Variants in CACNA1C observed in about 807,000 individuals in gnomAD.
CACNA1C encodes voltage-dependent L-type calcium channel subunit alpha-1C.
CACNA1C carries 30 observed loss-of-function variants against 229.0 expected under a neutral mutation model. That is an observed-to-expected ratio of 0.13 (90% CI 0.10 to 0.18). The LOEUF (loss-of-function observed/expected upper bound fraction) is 0.18, where lower values mean the gene tolerates loss of function less well. Ranked by LOEUF, CACNA1C falls within the 10% of genes least tolerant of loss-of-function variation. The pLI is 1.00. For synonymous variants in CACNA1C, 1,114 were observed against 1,132.5 expected (o/e 0.98, Z 0.33); for missense variants, 1,658 against 2,845.0 (o/e 0.58, Z 9.49).
At chr12:2,408,969 C>G (rs1470628707) in intron 3 of CACNA1C, among the ~76,000 whole-genome samples, 2 of 152,174 alleles carry the variant, frequency 1.3e-5, no homozygotes, top group Admixed American at 6.5e-5. Flanking sequence ...CTCTTTTGCC[C>G]AATGTTGCAA....
At chr12:2,612,048 A>G in intron 29 of CACNA1C, 35 bp downstream of exon 29, 1 of 1,275,586 alleles carries the variant, frequency 7.8e-7, no homozygotes, top group Non-Finnish European at 1.1e-6. Flanking sequence ...ATTCCCAGGC[A>G]TCAGGGGTGG....
At position 2,529,909 on chromosome 12, in the gene CACNA1C, C is replaced by T. The variant is rs988847192; in HGVS notation, c.1390+16925C>T. 9.2e-5 allele frequency among the ~76,000 whole-genome samples: 14 copies of T among 152,230 alleles called. 1 individual carries two copies. Among genetic ancestry groups the T allele is most frequent in the Admixed American group, 8.5e-4 (13 of 15,278 alleles). ...AATACCAAGAATAAATTCTGAGTTGCTTCTTTACAACTAGAAAGCTGAATA... is the reference window on the plus strand; with the variant it reads ...AATACCAAGAATAAATTCTGAGTTGTTTCTTTACAACTAGAAAGCTGAATA... On this transcript the variant is annotated intron_variant, in intron 9 of 46. Coordinates refer to ENST00000399655, the MANE Select transcript of CACNA1C (RefSeq NM_000719.7).
At chr12:1,998,396 G>A (rs1034505790) in intron 1 of CACNA1C, among the ~76,000 whole-genome samples, 1 of 152,144 alleles carries the variant, frequency 6.6e-6, no homozygotes, top group African/African-American at 2.4e-5. Flanking sequence ...TTTGTTTTCT[G>A]GGTTCATTTT....
Position 2,633,119 on chromosome 12 carries a change from G to A in CACNA1C, c.3829-1178G>A, listed in dbSNP as rs976151188. Among the ~76,000 whole-genome samples, 1 of 152,202 alleles carries A rather than the reference G, an allele frequency of 6.6e-6. No individual in the cohort carries two copies. Among genetic ancestry groups the A allele is most frequent in the African/African-American group, 2.4e-5 (1 of 41,438 alleles). ...CACCCTGCGGCCCACATTGATGGCT[G>A]TGGTTTTCAAAGCCTTTTTCATTCC... On this transcript the variant is annotated intron_variant, in intron 29 of 46. Transcript: ENST00000399655. This position sits in a 1 kb window ranked among gnomAD's most constrained non-coding sequence, Gnocchi z 5.8.
intron 1 of CACNA1C, among the ~76,000 whole-genome samples, chr12:2,057,575 G>T (rs2055623455): frequency 6.6e-6 from 1 of 152,150 alleles, no homozygotes; most frequent in African/African-American, 2.4e-5. Context: ...CACACTGGAG[G>T]CCCTCGCGGC....
At chr12:2,355,196 T>C (rs1009560060) in intron 3 of CACNA1C, among the ~76,000 whole-genome samples, 23 of 152,178 alleles carry the variant, frequency 1.5e-4, no homozygotes, top group Non-Finnish European at 7.3e-5. Context: ...AGCTTTCACT[T>C]AAGACCAAGA....
intron 2 of CACNA1C, among the ~76,000 whole-genome samples, chr12:2,117,465 G>A (rs2084436757): frequency 6.6e-6 from 1 of 152,218 alleles, no homozygotes; most frequent in African/African-American, 2.4e-5. Flanking sequence ...GTGGAGTCAG[G>A]GAGTGGGAGA....
intron 3 of CACNA1C, among the ~76,000 whole-genome samples, chr12:2,349,774 T>C (rs1489548334): frequency 6.6e-6 from 1 of 152,072 alleles, no homozygotes; most frequent in Non-Finnish European, 1.5e-5. Flanking sequence ...GATGGTTGTA[T>C]GGGAGGAACG....
intron 9 of CACNA1C, 143 bp downstream of exon 9, chr12:2,513,127 C>A: frequency 1.8e-6 from 1 of 558,184 alleles, no homozygotes; most frequent in South Asian, 3.3e-5. Context: ...TCACTGATGG[C>A]AGTCACTTGC....
intron 3 of CACNA1C, among the ~76,000 whole-genome samples, chr12:2,447,876 C>T (rs1412399634): frequency 6.6e-6 from 1 of 152,244 alleles, no homozygotes; most frequent in Non-Finnish European, 1.5e-5. Flanking sequence ...GGGTTCTGAG[C>T]CGAGTGCCCA....
intron 9 of CACNA1C, among the ~76,000 whole-genome samples, chr12:2,531,316 G>A (rs1016660374): frequency 6.6e-6 from 1 of 152,184 alleles, no homozygotes; most frequent in Non-Finnish European, 1.5e-5. Flanking sequence ...CCTGGTGATA[G>A]GAGAAGTGGA....
intron 3 of CACNA1C, among the ~76,000 whole-genome samples, chr12:2,336,022 CAAAA>C (rs34731308): frequency 1.8e-4 from 17 of 92,556 alleles, no homozygotes; most frequent in Admixed American, 2.4e-4. Flanking sequence ...AAAACAACTC[CAAAA>C]AAAAAAAAAA....
intron 3 of CACNA1C, among the ~76,000 whole-genome samples, chr12:2,182,131 CA>C (rs56365126): frequency 0.077 from 6,644 of 86,630 alleles, 159 homozygotes; most frequent in African/African-American, 0.14. Flanking sequence ...TTTCTGTCTG[CA>C]AAAAAAAAAA....
intron 32 of CACNA1C, among the ~76,000 whole-genome samples, chr12:2,652,378 C>T (rs759627924): frequency 6.6e-6 from 1 of 152,240 alleles, no homozygotes; most frequent in Non-Finnish European, 1.5e-5. Flanking sequence ...CAGCCCCTGC[C>T]AGCTCGGAGG....
rs1253589297 is a variant in CACNA1C at position 2,260,492 on chromosome 12, AAAAG to A, written c.477+140065_477+140068del. On this transcript the variant is annotated intron_variant, in intron 3 of 46. Coordinates refer to ENST00000399655, the MANE Select transcript of CACNA1C (RefSeq NM_000719.7). Reference sequence around the variant, plus strand: ...GTCTCTATTAAAAAAAAAAAAAAAAAAAAGAACAAGAAGAAGAAAGAGACAGAAA... The same window carrying A: ...GTCTCTATTAAAAAAAAAAAAAAAAAAACAAGAAGAAGAAAGAGACAGAAA... 7.3e-5 allele frequency among the ~76,000 whole-genome samples: 11 copies of A among 151,518 alleles called. 1 individual carries two copies. The highest frequency in any genetic ancestry group is 4.6e-4 in the Admixed American group (7 of 15,224).
chr12:1,996,651 AAAAACAACAAAC>A (rs1565870406), intron 1 of CACNA1C, among the ~76,000 whole-genome samples: 27 of 40,520 alleles, frequency 6.7e-4, no homozygotes, highest in Middle Eastern at 0.011. Context: ...AAAAAAAAAA[AAAAACAACAAAC>A]TCTTCTAATG....
chr12:2,192,564 C>G (rs567518351), intron 3 of CACNA1C, among the ~76,000 whole-genome samples: 4 of 152,228 alleles, frequency 2.6e-5, no homozygotes, highest in African/African-American at 7.2e-5. Context: ...CTAATTGTGT[C>G]GGTTTTAAGT....
chr12:2,164,974 G>T (rs141166030), intron 3 of CACNA1C, among the ~76,000 whole-genome samples: 1 of 152,316 alleles, frequency 6.6e-6, no homozygotes, highest in African/African-American at 2.4e-5. Context: ...TAAACTATTG[G>T]TTGCATTTTA....
rs574285358 is a variant in CACNA1C at position 2,119,664 on chromosome 12, A to G, written c.372-661A>G. The stretch of plus-strand genomic sequence containing the variant: ...GCCTGCTGAAGCGGGACCTCTGCAG[A>G]CCAGAGGGGTTTCTATGCTGTCTGT... On this transcript the variant is annotated intron_variant, in intron 2 of 46. Transcript: ENST00000399655. Among the ~76,000 whole-genome samples, 5 of 152,230 alleles carry G rather than the reference A, an allele frequency of 3.3e-5. No homozygotes were observed. The South Asian group carries it at 1.0e-3, about 32-fold the overall frequency.
Sources: gnomAD v4.1 joint callset for allele counts (sites outside exome capture counted in the v4.1 genomes callset) on GRCh38, gnomAD v4.1.1 for gene constraint, Gnocchi (gnomAD v3.1) non-coding constraint, MANE v1.5 for transcripts, NCBI Gene and HGNC (gene_info 2026-07-23, HGNC 2026-07-21) for gene names.